The following PIEZO1 variants were observed in gnomAD, a reference collection of about 807,000 sequenced individuals.
PIEZO1 encodes piezo type mechanosensitive ion channel component 1 (Er blood group).
PIEZO1 carries 296 observed loss-of-function variants against 297.2 expected under a neutral mutation model. The observed-to-expected ratio is 1.00, with a 90% CI of 0.91 to 1.10. PIEZO1 has a LOEUF of 1.10. Ranked by LOEUF, PIEZO1 falls within the 50% of genes least tolerant of loss-of-function variation. PIEZO1 has a pLI of 0.00. For missense variants in PIEZO1, 5,018 were observed against 3,455.5 expected (o/e 1.45, Z -11.34); for synonymous variants, 2,427 against 1,507.5 (o/e 1.61, Z -14.13).
At chr16:88,756,251 A>G (rs1356661157) in intron 1 of PIEZO1, among the ~76,000 whole-genome samples, 1 of 152,340 alleles carries the variant, frequency 6.6e-6, no homozygotes, top group East Asian at 1.9e-4. Flanking sequence ...CCAGGAGCTC[A>G]GTCTTAGGCA....
intron 1 of PIEZO1, among the ~76,000 whole-genome samples, chr16:88,754,242 G>C (rs1217991329): frequency 3.3e-5 from 5 of 152,206 alleles, no homozygotes; most frequent in Admixed American, 6.5e-5. Flanking sequence ...CACGGTAGCT[G>C]CTGGGCCCCT....
Position 88,734,388 on chromosome 16 carries a change from C to G in PIEZO1, c.2148G>C (p.Leu716=). The change falls in exon 16 of 51, where the codon CTG becomes CTC. Residue 716 remains leucine, a synonymous_variant. Transcript: ENST00000301015. The part of the protein sequence containing the change: ...MQLTDMEHVS[L]PGTRLPRWAH... ...CCCAGCGCGGGAGGCGCGTGCCAGG[C>G]AGGGACACGTGCTCCATGTCGGTGA... 6.5e-7 allele frequency: 1 copy of G among 1,546,566 alleles called. No individual in the cohort carries two copies. Among genetic ancestry groups the G allele is most frequent in the East Asian group, 2.4e-5 (1 of 40,868 alleles).
At position 88,737,953 on chromosome 16, in the gene PIEZO1, G is replaced by A. The variant is rs574402639; in HGVS notation, c.1001C>T (p.Ala334Val). ...GCTCACCTGGCCGGAGGGGCGGTACGCGCGGAGCTTGCGCAGAGAGGCCGT... is the reference window on the plus strand; with the variant it reads ...GCTCACCTGGCCGGAGGGGCGGTACACGCGGAGCTTGCGCAGAGAGGCCGT... ...YATASLRKLR[A>V]YRPSGQRKEA... The change falls in exon 8 of 51, where the codon GCG becomes GTG. Residue 334 changes from alanine (A) to valine (V), a missense_variant. By Grantham distance (64) the Ala-to-Val change is moderately conservative (BLOSUM62 0). Transcript: ENST00000301015. 2.0e-4 allele frequency: 301 copies of A among 1,532,036 alleles called. 1 individual carries two copies. The highest frequency in any genetic ancestry group is 1.8e-3 in the Middle Eastern group (11 of 5,976). The allele number at this position is 1,532,036 out of a possible 1,614,324, so 94.9% of individuals were successfully genotyped here.
intron 18 of PIEZO1, 22 bp downstream of exon 18, chr16:88,733,566 C>G: frequency 6.5e-7 from 1 of 1,529,868 alleles, no homozygotes; most frequent in East Asian, 2.5e-5. Flanking sequence ...AGATGGGAAG[C>G]TGAGTTGCCT....
chr16:88,733,487 G>C, intron 18 of PIEZO1, 33 bp from the exon 19 acceptor site: 2 of 1,537,990 alleles, frequency 1.3e-6, no homozygotes, highest in East Asian at 2.5e-5. Flanking sequence ...GCTGGGCTTG[G>C]GGAGGGCAGT....
chr16:88,715,515 A>G lies in PIEZO1; in HGVS notation c.*90T>C. 7.5e-7 allele frequency: 1 copy of G among 1,329,498 alleles called. No homozygotes were observed. Among genetic ancestry groups the G allele is most frequent in the African/African-American group, 1.4e-5 (1 of 69,190 alleles). The allele number at this position is 1,329,498 out of a possible 1,614,324, so 82.4% of individuals were successfully genotyped here. A position where few individuals can be genotyped will look rare whatever the true frequency, so the allele number is the denominator to read the frequency against. ...CACAGCTGGCGGCCTTGGACGGGGC[A>G]GTGGCTCCCCCGGCCTGAGGAGTGC... On this transcript the variant is annotated 3_prime_UTR_variant, in exon 51 of 51. Coordinates refer to ENST00000301015, the MANE Select transcript of PIEZO1 (RefSeq NM_001142864.4).
At chr16:88,755,941 G>T (rs559626497) in intron 1 of PIEZO1, among the ~76,000 whole-genome samples, 2 of 152,096 alleles carry the variant, frequency 1.3e-5, no homozygotes, top group African/African-American at 4.8e-5. Context: ...CCCAGCACAG[G>T]GCAGAGCCTC....
Position 88,733,675 on chromosome 16 carries a change from T to C in PIEZO1, c.2400A>G (p.Ser800=), listed in dbSNP as rs1567671764. The C allele has an allele frequency of 6.5e-7, 1 of 1,549,398 alleles. No homozygotes were observed. Among genetic ancestry groups the C allele is most frequent in the Admixed American group, 2.0e-5 (1 of 50,862 alleles). The change falls in exon 18 of 51, where the codon TCA becomes TCG. Residue 800 remains serine, a synonymous_variant. Transcript: ENST00000301015. ...ELAAGFSDVL[S]RVQVFLRRLL... is the part of the protein sequence containing the mutation. ...GCCGCCGCAGGAACACCTGCACGCGTGAGAGGACGTCCGAGAAGCCGGCTG... is the reference window on the plus strand; with the variant it reads ...GCCGCCGCAGGAACACCTGCACGCGCGAGAGGACGTCCGAGAAGCCGGCTG...
rs1226448767 is a variant in PIEZO1 at position 88,715,518 on chromosome 16, G to A, written c.*87C>T. 6.6e-5 allele frequency: 89 copies of A among 1,351,414 alleles called. No individual in the cohort carries two copies. Among genetic ancestry groups the A allele is most frequent in the Non-Finnish European group, 7.9e-5 (78 of 991,664 alleles). 83.7% of individuals were successfully genotyped at this position (1,351,414 alleles called of 1,614,324 possible). A position where few individuals can be genotyped will look rare whatever the true frequency, so the allele number is the denominator to read the frequency against. ...AGCTGGCGGCCTTGGACGGGGCAGT[G>A]GCTCCCCCGGCCTGAGGAGTGCCGC... is the stretch of plus-strand genomic sequence containing the variant. On this transcript the variant is annotated 3_prime_UTR_variant, in exon 51 of 51. Coordinates refer to ENST00000301015, the MANE Select transcript of PIEZO1 (RefSeq NM_001142864.4).
At position 88,721,374 on chromosome 16, in the gene PIEZO1, G is replaced by A. The variant is rs758606136; in HGVS notation, c.5460C>T (p.Ser1820=). 49 of 1,549,466 alleles carry A rather than the reference G, an allele frequency of 3.2e-5. No homozygotes were observed. Among genetic ancestry groups the A allele is most frequent in the South Asian group, 1.5e-4 (13 of 84,048 alleles). The change falls in exon 39 of 51, where the codon AGC becomes AGT. Residue 1820 remains serine (S), a synonymous_variant. Coordinates refer to ENST00000301015, the MANE Select transcript of PIEZO1 (RefSeq NM_001142864.4). ...CCTCGGCTCCCTGCTCCTCCTCGCC[G>A]CTCTTGTCATGCTCCTTGGATGGTG... ...EDSPSKEHDK[S]GEEEQGAEEG...
rs1412945837 is a variant in PIEZO1, at chr16:88,741,601, G to T, written c.342C>A (p.Asp114Glu). The change falls in exon 5 of 51, where the codon GAC becomes GAA. Residue 114 changes from aspartate (D) to glutamate (E), a missense_variant. Coordinates refer to ENST00000301015, the MANE Select transcript of PIEZO1 (RefSeq NM_001142864.4). Reference sequence around the variant, plus strand: ...CCACCAGCCGGATGGCGTTGGGGATGTCCTTCAGGTCCAGCCTGCGGAGAG... The same window carrying T: ...CCACCAGCCGGATGGCGTTGGGGATTTCCTTCAGGTCCAGCCTGCGGAGAG... ...HIGVTRLDLK[D>E]IPNAIRLVAP... 1 of 1,535,258 alleles carries T rather than the reference G, an allele frequency of 6.5e-7. No homozygotes were observed. Among genetic ancestry groups the T allele is most frequent in the Admixed American group, 2.0e-5 (1 of 50,836 alleles).
In PIEZO1 at chr16:88,722,071, A is replaced by G. The variant is rs1191489234; in HGVS notation, c.4956-5T>C. On this transcript the variant is annotated splice_region_variant and splice_polypyrimidine_tract_variant and intron_variant, in intron 36 of 50. Transcript: ENST00000301015. ...AGCTCTGGGATGCGCAGGCGCCTAC[A>G]GGGAGACCCGCGTGTTTGGGGGAGT... is the stretch of plus-strand genomic sequence containing the variant. 4.5e-6 allele frequency: 7 copies of G among 1,542,256 alleles called. No homozygotes were observed. The highest frequency in any genetic ancestry group is 2.7e-5 in the African/African-American group (2 of 72,856).
chr16:88,765,669 T>A (rs1016681459), intron 1 of PIEZO1, among the ~76,000 whole-genome samples: 1 of 92,078 alleles, frequency 1.1e-5, no homozygotes, highest in Non-Finnish European at 2.2e-5. Context: ...TTATCTCTAA[T>A]TTTTTTTTTT....
chr16:88,726,206 G>T (rs1043806369), intron 27 of PIEZO1, 78 bp downstream of exon 27: 32 of 1,273,740 alleles, frequency 2.5e-5, no homozygotes, highest in Non-Finnish European at 3.2e-5. Flanking sequence ...GCCGGGGCCT[G>T]AGACAGTGAG....
intron 9 of PIEZO1, 36 bp downstream of exon 9, chr16:88,737,692 C>G (rs1347698761): frequency 2.7e-5 from 42 of 1,533,332 alleles, no homozygotes; most frequent in Non-Finnish European, 3.6e-5. Flanking sequence ...GCCGGGCGCC[C>G]CCCACGCTGG....
chr16:88,768,088 G>A (rs1431228104), intron 1 of PIEZO1, among the ~76,000 whole-genome samples: 1 of 152,044 alleles, frequency 6.6e-6, no homozygotes, highest in Non-Finnish European at 1.5e-5. Flanking sequence ...AAAGCCATGT[G>A]CCACCACAGT....
chr16:88,734,597 G>T (rs1015932479), intron 15 of PIEZO1, 53 bp downstream of exon 15: 1 of 1,548,140 alleles, frequency 6.5e-7, no homozygotes, highest in African/African-American at 1.4e-5. Flanking sequence ...GCAGCCCCGG[G>T]GAAGTGCACG....
At chr16:88,733,019 G>A (rs899382455) in intron 19 of PIEZO1, 15 of 581,454 alleles carry the variant, frequency 2.6e-5, no homozygotes, top group Non-Finnish European at 4.0e-5. Context: ...GTCCAGGGGT[G>A]GGGCCCTCCC....
At chr16:88,767,188 C>T (rs771944422) in intron 1 of PIEZO1, among the ~76,000 whole-genome samples, 6 of 152,192 alleles carry the variant, frequency 3.9e-5, no homozygotes, top group Non-Finnish European at 7.3e-5. Context: ...CAGAAGGAAA[C>T]GGTCTCATGA....
Sources: gnomAD v4.1 joint callset for allele counts (sites outside exome capture counted in the v4.1 genomes callset) on GRCh38, gnomAD v4.1.1 for gene constraint, MANE v1.5 for transcripts, NCBI Gene and HGNC (gene_info 2026-07-23, HGNC 2026-07-21) for gene names.